KCNIP1: variants seen among roughly 807,000 people sequenced by gnomAD.
KCNIP1 encodes A-type potassium channel modulatory protein KCNIP1.
A neutral mutation model predicts 33.0 loss-of-function variants in KCNIP1; 18 were observed. The observed-to-expected ratio is 0.55, with a 90% CI of 0.38 to 0.81. The LOEUF is 0.81. KCNIP1 is among the 30% of genes least tolerant of loss of function. The probability of loss-of-function intolerance (pLI) is 0.00; values close to 1 mark genes in which losing one functional copy is unlikely to be tolerated. For synonymous variants in KCNIP1, 93 were observed against 98.3 expected (o/e 0.95, Z 0.32); for missense variants, 238 against 271.6 (o/e 0.88, Z 0.87).
Position 170,504,035 on chromosome 5 carries a change from C to T in KCNIP1, c.-538C>T. 1.0e-6 allele frequency: 1 copy of T among 982,966 alleles called. No individual in the cohort carries two copies. The highest frequency in any genetic ancestry group is 1.2e-6 in the Non-Finnish European group (1 of 829,650). 60.9% of individuals were successfully genotyped at this position (982,966 alleles called of 1,614,324 possible). ...CCGCCGCTCCGACTCTCGCCCCGAG[C>T]GCTGGCAGCAGGCAGCAGGCAGCAG... On this transcript the variant is annotated 5_prime_UTR_variant, in exon 1 of 8. Coordinates refer to ENST00000328939, the MANE Select transcript of KCNIP1 (RefSeq NM_014592.4). This position sits in a 1 kb window ranked among gnomAD's most constrained non-coding sequence, Gnocchi z 6.0.
At chr5:170,626,439 C>T (rs1215133924) in intron 1 of KCNIP1, among the ~76,000 whole-genome samples, 2 of 152,164 alleles carry the variant, frequency 1.3e-5, no homozygotes, top group Admixed American at 6.5e-5. Flanking sequence ...CCCATGGCAC[C>T]GTGAGCAGGT....
intron 1 of KCNIP1, among the ~76,000 whole-genome samples, chr5:170,546,615 A>T (rs974212954): frequency 6.6e-6 from 1 of 152,094 alleles, no homozygotes; most frequent in Non-Finnish European, 1.5e-5. Flanking sequence ...CCTACAGAGG[A>T]CCCACTTTGT....
At chr5:170,462,632 G>A (rs1260588500) in intron 1 of KCNIP1, among the ~76,000 whole-genome samples, 4 of 152,304 alleles carry the variant, frequency 2.6e-5, no homozygotes, top group Middle Eastern at 3.4e-3. Context: ...ACTACTGGGT[G>A]TCTACCCAGA....
intron 1 of KCNIP1, among the ~76,000 whole-genome samples, chr5:170,525,739 A>G (rs1755541625): frequency 6.6e-6 from 1 of 152,174 alleles, no homozygotes; most frequent in East Asian, 1.9e-4. Flanking sequence ...CTGGAGTGGG[A>G]GTAAGGGTGG....
At chr5:170,424,270 A>G (rs796475484) in intron 1 of KCNIP1, among the ~76,000 whole-genome samples, 6 of 152,302 alleles carry the variant, frequency 3.9e-5, no homozygotes, top group African/African-American at 1.4e-4. Context: ...TACTTTGCAC[A>G]TGTCCCATTG....
intron 1 of KCNIP1, among the ~76,000 whole-genome samples, chr5:170,390,517 A>AAAAAAAAAAATATATATATAT: frequency 1.1e-4 from 8 of 74,536 alleles, no homozygotes; most frequent in Non-Finnish European, 1.7e-4. Context: ...AAAAAAAACA[A>AAAAAAAAAAATATATATATAT]ATATATATAT....
intron 1 of KCNIP1, among the ~76,000 whole-genome samples, chr5:170,386,848 C>T (rs1764494808): frequency 6.6e-6 from 1 of 152,124 alleles, no homozygotes; most frequent in Admixed American, 6.5e-5. Flanking sequence ...CTTCTCTCCT[C>T]TTTCTTTAGG....
intron 6 of KCNIP1, 119 bp downstream of exon 6, chr5:170,733,023 G>T (rs1764257039): frequency 1.6e-6 from 1 of 610,588 alleles, no homozygotes. Flanking sequence ...TAACAGAAAA[G>T]AATTATAAGA....
intron 1 of KCNIP1, among the ~76,000 whole-genome samples, chr5:170,478,419 C>T (rs538132286): frequency 6.6e-6 from 1 of 152,316 alleles, no homozygotes; most frequent in East Asian, 1.9e-4. Context: ...CCCGGCCTTC[C>T]AGTCCCATAA....
At chr5:170,599,986 C>T (rs184122997) in intron 1 of KCNIP1, among the ~76,000 whole-genome samples, 1 of 152,186 alleles carries the variant, frequency 6.6e-6, no homozygotes, top group Non-Finnish European at 1.5e-5. Flanking sequence ...CCTAAGATGA[C>T]ATTTATTGAG....
chr5:170,353,589 G>T (rs1007747700), exon 1 of KCNIP1: 2 of 511,800 alleles, frequency 3.9e-6, no homozygotes, highest in African/African-American at 3.8e-5. Flanking sequence ...CTTGTGCCCC[G>T]GCAGTGCTGT....
At chr5:170,440,455 G>GT (rs1561627111) in intron 1 of KCNIP1, among the ~76,000 whole-genome samples, 17 of 152,074 alleles carry the variant, frequency 1.1e-4, no homozygotes, top group Non-Finnish European at 2.5e-4. Flanking sequence ...CCTCCCCAAG[G>GT]CCACACAACA....
intron 1 of KCNIP1, among the ~76,000 whole-genome samples, chr5:170,620,466 G>A (rs1759559033): frequency 6.6e-6 from 1 of 152,186 alleles, no homozygotes; most frequent in South Asian, 2.1e-4. Context: ...CAAAAGTAAG[G>A]GCTGGGGCTG....
intron 1 of KCNIP1, among the ~76,000 whole-genome samples, chr5:170,454,519 C>T (rs1756329553): frequency 6.6e-6 from 1 of 152,006 alleles, no homozygotes; most frequent in South Asian, 2.1e-4. Context: ...TACCTGATGC[C>T]CAGGAGAACT....
chr5:170,510,262 G>A (rs1293436457), intron 1 of KCNIP1, among the ~76,000 whole-genome samples: 1 of 152,190 alleles, frequency 6.6e-6, no homozygotes, highest in Non-Finnish European at 1.5e-5. Flanking sequence ...GTCATTATGG[G>A]TTTACACATT....
chr5:170,441,313 C>T (rs1044299351), intron 1 of KCNIP1, among the ~76,000 whole-genome samples: 1 of 152,058 alleles, frequency 6.6e-6, no homozygotes, highest in South Asian at 2.1e-4. Flanking sequence ...TGTAGAGAGG[C>T]TTTGTGATTC....
At chr5:170,468,473 T>A (rs1756654883) in intron 1 of KCNIP1, among the ~76,000 whole-genome samples, 1 of 152,196 alleles carries the variant, frequency 6.6e-6, no homozygotes, top group South Asian at 2.1e-4. Context: ...ATGAATTTGT[T>A]ACTTTAATAA....
At chr5:170,536,484 C>T (rs1388396163) in intron 1 of KCNIP1, among the ~76,000 whole-genome samples, 1 of 152,174 alleles carries the variant, frequency 6.6e-6, no homozygotes, top group African/African-American at 2.4e-5. Context: ...CTGTTCTCTC[C>T]CATCATTAAA....
At chr5:170,361,432 G>A (rs1232811010) in intron 1 of KCNIP1, among the ~76,000 whole-genome samples, 1 of 152,166 alleles carries the variant, frequency 6.6e-6, no homozygotes, top group Non-Finnish European at 1.5e-5. Flanking sequence ...AGGATGAGGG[G>A]AGGAGGACCA....
Sources: allele counts gnomAD v4.1 joint callset (sites outside exome capture counted in the v4.1 genomes callset), GRCh38; gene constraint gnomAD v4.1.1; non-coding constraint Gnocchi (gnomAD v3.1); transcripts MANE v1.5; gene names NCBI Gene and HGNC (gene_info 2026-07-23, HGNC 2026-07-21).